The following INPP4B variants were observed in gnomAD, a reference collection of about 807,000 sequenced individuals.
The protein encoded by INPP4B is inositol polyphosphate 4-phosphatase type II.
A neutral mutation model predicts 122.5 loss-of-function variants in INPP4B; 55 were observed. The observed-to-expected ratio is 0.45, with a 90% CI of 0.36 to 0.56. INPP4B has a LOEUF of 0.56. Ranked by LOEUF, INPP4B falls within the 20% of genes least tolerant of loss-of-function variation. The pLI is 0.00. For synonymous variants in INPP4B, 403 were observed against 388.7 expected (o/e 1.04, Z -0.43); for missense variants, 1,000 against 1,097.7 (o/e 0.91, Z 1.26).
chr4:142,260,980 A>G (rs979444595), intron 10 of INPP4B, among the ~76,000 whole-genome samples: 1 of 152,222 alleles, frequency 6.6e-6, no homozygotes, highest in African/African-American at 2.4e-5. Flanking sequence ...AAAAGACAAA[A>G]TATGTTGACG....
chr4:142,182,419 G>A (rs1464607880), intron 15 of INPP4B, among the ~76,000 whole-genome samples: 2 of 151,590 alleles, frequency 1.3e-5, no homozygotes, highest in African/African-American at 4.9e-5. Context: ...GTGGTGGCAG[G>A]TGCCTGTAGT....
chr4:142,589,737 A>G (rs1312152605), intron 2 of INPP4B, among the ~76,000 whole-genome samples: 10 of 152,224 alleles, frequency 6.6e-5, no homozygotes, highest in South Asian at 2.1e-4. Flanking sequence ...AAAGCTAAAG[A>G]TAACCTTACC....
chr4:142,691,441 C>T (rs938183458), intron 2 of INPP4B, among the ~76,000 whole-genome samples: 1 of 151,824 alleles, frequency 6.6e-6, no homozygotes, highest in African/African-American at 2.4e-5. Context: ...TACTCCTCAG[C>T]TTGTACCTTT....
intron 2 of INPP4B, among the ~76,000 whole-genome samples, chr4:142,506,663 G>T (rs1039360245): frequency 3.3e-5 from 5 of 152,164 alleles, no homozygotes; most frequent in African/African-American, 1.2e-4. Flanking sequence ...AAAAAGACAA[G>T]GCCCCTCCTT....
chr4:142,779,711 T>C (rs751345965), intron 1 of INPP4B, among the ~76,000 whole-genome samples: 1 of 152,030 alleles, frequency 6.6e-6, no homozygotes, highest in Non-Finnish European at 1.5e-5. Flanking sequence ...ATCTGGTTTT[T>C]AAACAACAGA....
chr4:142,061,270 G>A (rs1760489388), intron 25 of INPP4B, among the ~76,000 whole-genome samples: 1 of 152,200 alleles, frequency 6.6e-6, no homozygotes, highest in Non-Finnish European at 1.5e-5. Context: ...AAGGTTAGCT[G>A]ACAATCTGTC....
intron 2 of INPP4B, among the ~76,000 whole-genome samples, chr4:142,526,621 G>C (rs1826949458): frequency 1.3e-5 from 2 of 152,056 alleles, no homozygotes; most frequent in African/African-American, 2.4e-5. Flanking sequence ...TTTTAAACTA[G>C]TGTGAACTTC....
intron 5 of INPP4B, among the ~76,000 whole-genome samples, chr4:142,415,541 T>G (rs1211077821): frequency 6.6e-6 from 1 of 151,940 alleles, no homozygotes; most frequent in Non-Finnish European, 1.5e-5. Context: ...AGGAACACTT[T>G]TACACTGTTG....
At chr4:142,086,123 A>G in intron 24 of INPP4B, 21 bp downstream of exon 24, 1 of 1,400,920 alleles carries the variant, frequency 7.1e-7, no homozygotes, top group Non-Finnish European at 1.0e-6. Context: ...AGGAAATAAG[A>G]TTTGACATGA....
intron 1 of INPP4B, among the ~76,000 whole-genome samples, chr4:142,798,268 T>A (rs1033047125): frequency 1.3e-5 from 2 of 151,558 alleles, no homozygotes; most frequent in African/African-American, 4.8e-5. Flanking sequence ...ATTAGCGGAG[T>A]ACAAGAAAAC....
intron 2 of INPP4B, among the ~76,000 whole-genome samples, chr4:142,560,226 C>A (rs1421683168): frequency 6.6e-6 from 1 of 152,206 alleles, no homozygotes; most frequent in Non-Finnish European, 1.5e-5. Context: ...TGTGCCTCTC[C>A]TAAGCATGCT....
At chr4:142,141,969 C>A (rs1374943168) in intron 18 of INPP4B, among the ~76,000 whole-genome samples, 1 of 151,848 alleles carries the variant, frequency 6.6e-6, no homozygotes, top group Admixed American at 6.6e-5. Flanking sequence ...TGAAATAAAA[C>A]AAAATTCCAG....
intron 16 of INPP4B, among the ~76,000 whole-genome samples, chr4:142,162,513 A>G (rs2152914359): frequency 6.6e-6 from 1 of 152,040 alleles, no homozygotes; most frequent in Admixed American, 6.6e-5. Context: ...TGGTTTCAAT[A>G]AATTCTTTTG....
intron 2 of INPP4B, among the ~76,000 whole-genome samples, chr4:142,688,685 C>A (rs183238105): frequency 1.0e-3 from 157 of 152,220 alleles, no homozygotes; most frequent in Middle Eastern, 0.01. Context: ...AGCCCTTGCA[C>A]AAAACAAATC....
At chr4:142,261,633 C>T (rs1381925876) in intron 10 of INPP4B, among the ~76,000 whole-genome samples, 1 of 152,148 alleles carries the variant, frequency 6.6e-6, no homozygotes, top group Admixed American at 6.6e-5. Flanking sequence ...CTTGCTTGAG[C>T]TATTTCCCCA....
intron 12 of INPP4B, among the ~76,000 whole-genome samples, chr4:142,222,903 T>C (rs1354587438): frequency 6.6e-6 from 1 of 152,208 alleles, no homozygotes; most frequent in Non-Finnish European, 1.5e-5. Context: ...AAAAGAACTA[T>C]CATAGTAGCT....
chr4:142,633,281 C>T (rs1279057387), intron 2 of INPP4B, among the ~76,000 whole-genome samples: 2 of 151,946 alleles, frequency 1.3e-5, no homozygotes, highest in African/African-American at 2.4e-5. Context: ...AGGAAAAGTA[C>T]TCAATAACAA....
intron 1 of INPP4B, among the ~76,000 whole-genome samples, chr4:142,842,096 T>C (rs907039179): frequency 1.3e-5 from 2 of 151,780 alleles, no homozygotes; most frequent in African/African-American, 4.8e-5. Flanking sequence ...AAGAAATGTA[T>C]AACCAAAACC....
At chr4:142,715,733 C>T (rs1334808387) in intron 2 of INPP4B, among the ~76,000 whole-genome samples, 1 of 152,096 alleles carries the variant, frequency 6.6e-6, no homozygotes, top group Non-Finnish European at 1.5e-5. Flanking sequence ...ACAAATTATC[C>T]CAACATTTAG....
Sources: gnomAD v4.1 joint callset for allele counts (sites outside exome capture counted in the v4.1 genomes callset) on GRCh38, gnomAD v4.1.1 for gene constraint, MANE v1.5 for transcripts, NCBI Gene and HGNC (gene_info 2026-07-23, HGNC 2026-07-21) for gene names.